GPR161: variants seen among roughly 807,000 people sequenced by gnomAD.
GPR161 encodes G protein-coupled receptor 161, also known as G-protein coupled receptor RE2.
Under a neutral mutation model 39.2 loss-of-function variants are expected in GPR161, and 25 were observed. That is an observed-to-expected ratio of 0.64 (90% CI 0.47 to 0.89). The LOEUF (loss-of-function observed/expected upper bound fraction) is 0.89. Among genes scored for constraint, GPR161 ranks in the 40% least tolerant of loss-of-function variants. The pLI is 0.00. For synonymous variants in GPR161, 286 were observed against 276.6 expected (o/e 1.03, Z -0.34); for missense variants, 547 against 677.8 (o/e 0.81, Z 2.14).
chr1:168,131,669 G>T (rs1699002005), intron 1 of GPR161, among the ~76,000 whole-genome samples: 1 of 152,096 alleles, frequency 6.6e-6, no homozygotes, highest in Non-Finnish European at 1.5e-5. Context: ...AGTAGGAGGG[G>T]ACTTCCTAAG....
rs372239221 is a variant in GPR161 at position 168,106,066 on chromosome 1, CCAGAGAGAAAGCTTCCCT to C, written c.-44-1190_-44-1173del. Among the ~76,000 whole-genome samples the C allele has an allele frequency of 2.4e-3, 363 of 152,254 alleles. 2 individuals carry two copies. The highest frequency in any genetic ancestry group is 8.3e-3 in the African/African-American group (343 of 41,536). On this transcript the variant is annotated intron_variant, in intron 1 of 5. Transcript: ENST00000682931. ...TTCCCCTCACCAGCAGTCCTAAGTGCCAGAGAGAAAGCTTCCCTCATAGTGAGCTGTATAGTGGTTTCC... is the reference window on the plus strand; with the variant it reads ...TTCCCCTCACCAGCAGTCCTAAGTGCCATAGTGAGCTGTATAGTGGTTTCC...
rs1350717305 is a variant in GPR161 at position 168,080,765 on chromosome 1, C to T, written c.*4766G>A. 6.6e-6 allele frequency: 1 copy of T among 152,254 alleles called. No individual in the cohort carries two copies. The highest frequency in any genetic ancestry group is 1.9e-4 in the East Asian group (1 of 5,198). 9.4% of individuals were successfully genotyped at this position (152,254 alleles called of 1,614,324 possible). On this transcript the variant is annotated 3_prime_UTR_variant, in exon 6 of 6. Transcript: ENST00000682931. The stretch of plus-strand genomic sequence containing the variant: ...TGTGCTATGATTTGGAACGTTACAC[C>T]AGGCCCTGGGGATTTGATCATCTTT...
intron 1 of GPR161, among the ~76,000 whole-genome samples, chr1:168,124,736 G>T (rs768995146): frequency 2.0e-5 from 3 of 152,184 alleles, no homozygotes; most frequent in Non-Finnish European, 4.4e-5. Flanking sequence ...AGTGTCAAAG[G>T]TGTGGCCTAG....
At position 168,104,806 on chromosome 1, in the gene GPR161, A is replaced by T; in HGVS notation, c.45T>A (p.Asn15Lys). 6.2e-7 allele frequency: 1 copy of T among 1,613,844 alleles called. No homozygotes were observed. The highest frequency in any genetic ancestry group is 8.5e-7 in the Non-Finnish European group (1 of 1,179,806). Reference protein sequence around the residue: ...SSLSCRKELSNLTEEEGGEGG... With the variant: ...SSLSCRKELSKLTEEEGGEGG... The stretch of plus-strand genomic sequence containing the variant: ...CTTCGCCACCCTCCTCCTCAGTGAG[A>T]TTACTCAGCTCCTTCCTGCAGCTGA... Residue 15 changes from asparagine to lysine, a missense_variant, in exon 2 of 6, where the codon AAT becomes AAA. Physicochemically the swap from Asn to Lys is moderately conservative, Grantham distance 94. Coordinates refer to ENST00000682931, the MANE Select transcript of GPR161 (RefSeq NM_001375883.1).
rs1437166010 is a variant in GPR161 at position 168,098,054 on chromosome 1, G to T, written c.375-822C>A. Among the ~76,000 whole-genome samples, 2 of 152,188 alleles carry T rather than the reference G, an allele frequency of 1.3e-5. No homozygotes were observed. Among genetic ancestry groups the T allele is most frequent in the South Asian group, 4.1e-4 (2 of 4,834 alleles). On this transcript the variant is annotated intron_variant, in intron 2 of 5. Transcript: ENST00000682931. This position sits in a 1 kb window ranked among gnomAD's most constrained non-coding sequence, Gnocchi z 4.1. Reference sequence around the variant, plus strand: ...CCAGGAGGGCTATCCATTCAAACTGGCAGGCTTCTGGTCCAGCACAGAGGG... The same window carrying T: ...CCAGGAGGGCTATCCATTCAAACTGTCAGGCTTCTGGTCCAGCACAGAGGG...
chr1:168,113,467 G>A (rs1168283599), intron 1 of GPR161, among the ~76,000 whole-genome samples: 1 of 152,154 alleles, frequency 6.6e-6, no homozygotes, highest in Non-Finnish European at 1.5e-5. Context: ...GTCTTCTTGT[G>A]CATTTCCAGA....
chr1:168,105,585 C>T (rs573917699), intron 1 of GPR161, among the ~76,000 whole-genome samples: 20 of 152,140 alleles, frequency 1.3e-4, no homozygotes, highest in Non-Finnish European at 2.5e-4. Context: ...TATATGGGGA[C>T]GTCATTACTG....
In GPR161 at chr1:168,134,569, A is replaced by G. The variant is rs373193702; in HGVS notation, c.-45+2170T>C. On this transcript the variant is annotated intron_variant, in intron 1 of 5. Coordinates refer to ENST00000682931, the MANE Select transcript of GPR161 (RefSeq NM_001375883.1). ...CTGTCATGCTTTACTGCATCTCAGA[A>G]TGACAGTCAGTGCTTCCCAAGGTCT... Among the ~76,000 whole-genome samples the G allele has an allele frequency of 4.6e-5, 7 of 152,352 alleles. No individual in the cohort carries two copies. In the East Asian group the frequency reaches 5.8e-4, roughly 13 times the overall value.
At chr1:168,090,445 C>A (rs1694943764) in intron 4 of GPR161, 119 bp downstream of exon 4, 1 of 565,690 alleles carries the variant, frequency 1.8e-6, no homozygotes, top group African/African-American at 1.9e-5. Context: ...CACCCCCCAC[C>A]CACCGTGGGA....
In GPR161 at chr1:168,090,658, C is replaced by A. The variant is rs926482557; in HGVS notation, c.1110G>T (p.Leu370=). 9 of 1,605,600 alleles carry A rather than the reference C, an allele frequency of 5.6e-6. No individual in the cohort carries two copies. The East Asian group carries it at 2.0e-4, about 36-fold the overall frequency. ...SISNRITDLG[L]SPHLTALMAG... is the part of the protein sequence containing the mutation. The stretch of plus-strand genomic sequence containing the variant: ...CCATGAGCGCAGTGAGGTGTGGGGA[C>A]AGGCCCAGGTCTGAAAGACAAAATT... The change falls in exon 4 of 6, where the codon CTG becomes CTT. Residue 370 remains leucine, a synonymous_variant. Transcript: ENST00000682931.
Position 168,108,486 on chromosome 1 carries a change from T to TAAAAAAAAA in GPR161, c.-44-3601_-44-3593dup, listed in dbSNP as rs10670498. Among the ~76,000 whole-genome samples, 101 of 17,472 alleles carry TAAAAAAAAA rather than the reference T, an allele frequency of 5.8e-3. 25 individuals carry two copies. The highest frequency in any genetic ancestry group is 0.024 in the East Asian group (6 of 248). The allele number at this position is 17,472 out of a possible 152,430, so 11.5% of individuals were successfully genotyped here. A position where few individuals can be genotyped will look rare whatever the true frequency, so the allele number is the denominator to read the frequency against. ...ATTTTATCCACTGAGGCCCTAGTTG[T>TAAAAAAAAA]AAAAAAAAAAAAAAAAAAAAAAAAA... On this transcript the variant is annotated intron_variant, in intron 1 of 5. Transcript: ENST00000682931.
rs748520151 is a variant in GPR161, at chr1:168,119,217, T to C, written c.-44-14323A>G. 8.5e-3 allele frequency among the ~76,000 whole-genome samples: 1,008 copies of C among 119,062 alleles called. 90 individuals carry two copies. Among genetic ancestry groups the C allele is most frequent in the African/African-American group, 0.03 (801 of 26,412 alleles). 78.1% of individuals were successfully genotyped at this position (119,062 alleles called of 152,430 possible). ...CATCATATATATATATATGTATACA[T>C]ATATATATACGTATATATATATATA... On this transcript the variant is annotated intron_variant, in intron 1 of 5. Transcript: ENST00000682931.
At chr1:168,127,017 G>A (rs2102250699) in intron 1 of GPR161, among the ~76,000 whole-genome samples, 1 of 151,866 alleles carries the variant, frequency 6.6e-6, no homozygotes, top group African/African-American at 2.4e-5. Flanking sequence ...TTTCTCCTAA[G>A]ACAAAAAAGA....
intron 1 of GPR161, among the ~76,000 whole-genome samples, chr1:168,123,537 T>TACACACACACACACACAC (rs10534836): frequency 3.1e-4 from 43 of 138,216 alleles, no homozygotes; most frequent in African/African-American, 1.1e-3. Flanking sequence ...TGCACATACA[T>TACACACACACACACACAC]ACACACACAC....
Position 168,096,710 on chromosome 1 carries a change from G to A in GPR161, c.897C>T (p.Ser299=). ...VIASEALWGK[S]SVSPSLETWA... is the part of the protein sequence containing the mutation. ...AAGTCTCCAGGCTCGGGGAGACGGA[G>A]CTTTTCCCCCAGAGGGCCTCAGAGG... The change falls in exon 3 of 6, where the codon AGC becomes AGT. Residue 299 remains serine (S), a synonymous_variant. Transcript: ENST00000682931. 1 of 1,614,072 alleles carries A rather than the reference G, an allele frequency of 6.2e-7. No homozygotes were observed.
intron 1 of GPR161, among the ~76,000 whole-genome samples, chr1:168,110,866 G>A (rs1191169582): frequency 6.6e-6 from 1 of 150,916 alleles, no homozygotes; most frequent in African/African-American, 2.4e-5. Flanking sequence ...GGAGGTTGCA[G>A]TCAGCTGAGA....
In GPR161 at chr1:168,085,103, G is replaced by A. The variant is rs1335897341; in HGVS notation, c.*428C>T. On this transcript the variant is annotated 3_prime_UTR_variant, in exon 6 of 6. Coordinates refer to ENST00000682931, the MANE Select transcript of GPR161 (RefSeq NM_001375883.1). ...CATCCTTCACAGTACACTGGGGAGG[G>A]TTCTCCTCCTGAGGCATCTGGCACA... The A allele has an allele frequency of 2.2e-6, 1 of 459,308 alleles. No homozygotes were observed. The highest frequency in any genetic ancestry group is 2.0e-5 in the African/African-American group (1 of 50,354). The allele number at this position is 459,308 out of a possible 1,614,324, so 28.5% of individuals were successfully genotyped here. A position where few individuals can be genotyped will look rare whatever the true frequency, so the allele number is the denominator to read the frequency against.
intron 1 of GPR161, chr1:168,136,258 T>C (rs73030230): frequency 7.1e-7 from 1 of 1,400,584 alleles, no homozygotes; most frequent in Non-Finnish European, 9.3e-7. Context: ...GCTGCTCACC[T>C]GGTCCTCACG....
chr1:168,085,734 C>T lies in GPR161; in HGVS notation c.1387G>A (p.Ala463Thr), dbSNP rs1315758786. 20 of 1,613,984 alleles carry T rather than the reference C, an allele frequency of 1.2e-5. No homozygotes were observed. The highest frequency in any genetic ancestry group is 1.4e-5 in the Non-Finnish European group (16 of 1,179,968). ...TCAATGGCTTTGGCCAAGCTTGCTG[C>T]GTAACTGTCCAAGGACTTGTGTACT... ...AEVHKSLDSY[A>T]ASLAKAIEAE... Residue 463 changes from alanine to threonine, a missense_variant, in exon 6 of 6, where the codon GCA becomes ACA. Physicochemically the swap from Ala to Thr is moderately conservative, Grantham distance 58. Coordinates refer to ENST00000682931, the MANE Select transcript of GPR161 (RefSeq NM_001375883.1).
Sources: allele counts gnomAD v4.1 joint callset (sites outside exome capture counted in the v4.1 genomes callset), GRCh38; gene constraint gnomAD v4.1.1; non-coding constraint Gnocchi (gnomAD v3.1); transcripts MANE v1.5; gene names NCBI Gene and HGNC (gene_info 2026-07-23, HGNC 2026-07-21).